KIAA1671: variants seen among roughly 807,000 people sequenced by gnomAD.
The protein encoded by KIAA1671 is KIAA1671.
A neutral mutation model predicts 131.2 loss-of-function variants in KIAA1671; 52 were observed. The observed-to-expected ratio is 0.40, with a 90% CI of 0.32 to 0.50. The LOEUF (loss-of-function observed/expected upper bound fraction) is 0.50. KIAA1671 is among the 20% of genes least tolerant of loss of function. The probability of loss-of-function intolerance (pLI) is 0.73; values close to 1 mark genes in which losing one functional copy is unlikely to be tolerated. For missense variants in KIAA1671, 2,360 were observed against 2,364.2 expected, an observed-to-expected ratio of 1.00 and a Z score of 0.04; for synonymous variants, 1,003 against 961.6, an observed-to-expected ratio of 1.04 and a Z score of -0.80.
chr22:25,049,355 G>A lies in KIAA1671; in HGVS notation c.4521G>A (p.Gly1507=). The A allele has an allele frequency of 6.5e-7, 1 of 1,549,812 alleles. No individual in the cohort carries two copies. The highest frequency in any genetic ancestry group is 1.2e-5 in the South Asian group (1 of 84,034). The part of the protein sequence containing the change: ...SHSFCKDRRS[G]PFVDQLKQCF... ...GCTTCTGCAAAGACAGGAGGAGTGG[G>A]CCCTTTGTGGTGAGTGATGCAACAT... Residue 1507 remains glycine, a synonymous_variant, in exon 6 of 13, where the codon GGG becomes GGA. Transcript: ENST00000358431.
At chr22:25,073,367 C>T (rs1207807120) in intron 6 of KIAA1671, among the ~76,000 whole-genome samples, 1 of 151,992 alleles carries the variant, frequency 6.6e-6, no homozygotes, top group Admixed American at 6.6e-5. Context: ...CATACCCAGC[C>T]TGCAAATTTT....
At chr22:25,107,412 G>A (rs903452261) in intron 6 of KIAA1671, among the ~76,000 whole-genome samples, 1 of 138,828 alleles carries the variant, frequency 7.2e-6, no homozygotes, top group South Asian at 2.3e-4. Context: ...GTGAGACTTC[G>A]TCTCAAAAAA....
chr22:25,188,168 G>A (rs905652901), intron 11 of KIAA1671, among the ~76,000 whole-genome samples: 18 of 152,158 alleles, frequency 1.2e-4, no homozygotes, highest in African/African-American at 4.3e-4. Context: ...GGATGTGGTG[G>A]CGGGCGCCTG....
At chr22:25,007,142 A>G (rs1924788228) in intron 1 of KIAA1671, among the ~76,000 whole-genome samples, 1 of 152,172 alleles carries the variant, frequency 6.6e-6, no homozygotes. Context: ...AAAACTTGCC[A>G]GAACACCTGC....
chr22:25,013,136 G>A (rs1167969540), intron 1 of KIAA1671: 1 of 152,282 alleles, frequency 6.6e-6, no homozygotes, highest in South Asian at 2.1e-4. Flanking sequence ...CAAGTCAATT[G>A]CCCTGGAGGG....
intron 6 of KIAA1671, among the ~76,000 whole-genome samples, chr22:25,068,447 T>G (rs1274762938): frequency 6.6e-6 from 1 of 152,002 alleles, no homozygotes; most frequent in East Asian, 1.9e-4. Flanking sequence ...TTTGTTGTTT[T>G]TTTTTTTGAG....
intron 6 of KIAA1671, among the ~76,000 whole-genome samples, chr22:25,093,784 C>CTCTCTG (rs1568951257): frequency 2.4e-4 from 31 of 127,232 alleles, no homozygotes; most frequent in South Asian, 1.9e-3. Context: ...CTCTCTCTCT[C>CTCTCTG]TCTCTCTCTC....
chr22:25,158,087 C>T (rs1933306397), intron 6 of KIAA1671, among the ~76,000 whole-genome samples: 1 of 152,182 alleles, frequency 6.6e-6, no homozygotes, highest in Admixed American at 6.5e-5. Flanking sequence ...TCCCAAAGTC[C>T]TGGGATTACA....
Position 24,995,259 on chromosome 22 carries a change from A to T in KIAA1671, c.-207-30374A>T, listed in dbSNP as rs575629974. On this transcript the variant is annotated intron_variant, in intron 1 of 12. Transcript: ENST00000358431. ...AGTAGAGACAGGGTTTCGCCATGTT[A>T]GCCAGGATGGTCTCGATCTCCTGAC... Among the ~76,000 whole-genome samples the T allele has an allele frequency of 1.2e-4, 18 of 151,724 alleles. No individual in the cohort carries two copies. In the South Asian group the frequency reaches 2.7e-3, roughly 23 times the overall value.
At chr22:25,062,800 C>T (rs930728078) in intron 6 of KIAA1671, 2 of 132,030 alleles carry the variant, frequency 1.5e-5, no homozygotes, top group African/African-American at 6.1e-5. Context: ...GCTGTTCCCC[C>T]CCTCCCAACC....
At chr22:25,018,193 T>G (rs568503139) in intron 1 of KIAA1671, among the ~76,000 whole-genome samples, 1 of 152,202 alleles carries the variant, frequency 6.6e-6, no homozygotes, top group African/African-American at 2.4e-5. Flanking sequence ...CCTCCTCCCC[T>G]ACTAGAGTGT....
chr22:24,969,026 A>C (rs993918457), intron 1 of KIAA1671, among the ~76,000 whole-genome samples: 4 of 152,078 alleles, frequency 2.6e-5, no homozygotes, highest in African/African-American at 9.7e-5. Context: ...CAACCTCCTG[A>C]GTAGCTGGGA....
intron 1 of KIAA1671, among the ~76,000 whole-genome samples, chr22:24,994,979 A>C (rs1924034585): frequency 6.7e-6 from 1 of 149,876 alleles, no homozygotes; most frequent in South Asian, 2.1e-4. Flanking sequence ...ACGTTCCTGC[A>C]TTTGTGCAGA....
rs138562951 is a variant in KIAA1671 at position 25,099,931 on chromosome 22, C to T, written c.4530+50567C>T. Reference sequence around the variant, plus strand: ...TGTGTGCTCTTGGCTTGCACTGATACCTGGGAGGTAGGTGTCATGATTTCC... The same window carrying T: ...TGTGTGCTCTTGGCTTGCACTGATATCTGGGAGGTAGGTGTCATGATTTCC... On this transcript the variant is annotated intron_variant, in intron 6 of 12. Transcript: ENST00000358431. Among the ~76,000 whole-genome samples the T allele has an allele frequency of 1.3e-3, 194 of 152,272 alleles. 1 individual carries two copies. The highest frequency in any genetic ancestry group is 2.1e-3 in the Non-Finnish European group (144 of 68,026).
In KIAA1671 at chr22:25,093,830, CTCTGTCTG is replaced by C. The variant is rs1568951558; in HGVS notation, c.4530+44470_4530+44477del. On this transcript the variant is annotated intron_variant, in intron 6 of 12. Coordinates refer to ENST00000358431, the MANE Select transcript of KIAA1671 (RefSeq NM_001145206.2). ...TCTCTCTGTCTCTCTCTCTTTCTCT[CTCTGTCTG>C]TCTCTCTCTCTCTCTCTCTCTCTCT... Among the ~76,000 whole-genome samples, 160 of 80,332 alleles carry C rather than the reference CTCTGTCTG, an allele frequency of 2.0e-3. 19 individuals carry two copies. The highest frequency in any genetic ancestry group is 4.8e-3 in the African/African-American group (80 of 16,576). 52.7% of individuals were successfully genotyped at this position (80,332 alleles called of 152,430 possible).
intron 6 of KIAA1671, among the ~76,000 whole-genome samples, chr22:25,091,849 C>T (rs1039088683): frequency 2.0e-5 from 3 of 152,174 alleles, no homozygotes; most frequent in Non-Finnish European, 4.4e-5. Context: ...CTCCTAGGCT[C>T]TGGTTCATCA....
chr22:25,197,322 T>C lies in KIAA1671; in HGVS notation c.*4921T>C, dbSNP rs1038649764. ...TTTGTAACTGTAAAGAAGTTTCATA[T>C]GCACAGAAGAGCAGTTGGAAATCTG... On this transcript the variant is annotated 3_prime_UTR_variant, in exon 13 of 13. Transcript: ENST00000358431. The C allele has an allele frequency of 6.6e-6, 1 of 152,246 alleles. No individual in the cohort carries two copies. The allele number at this position is 152,246 out of a possible 1,614,324, so 9.4% of individuals were successfully genotyped here.
At chr22:25,161,496 CGCG>C (rs879274282) in intron 6 of KIAA1671, among the ~76,000 whole-genome samples, 6 of 152,182 alleles carry the variant, frequency 3.9e-5, no homozygotes, top group Non-Finnish European at 8.8e-5. Flanking sequence ...GTGTGAGGAT[CGCG>C]TGGCCAAATC....
intron 6 of KIAA1671, among the ~76,000 whole-genome samples, chr22:25,157,634 A>G (rs1326438408): frequency 2.6e-5 from 4 of 152,118 alleles, no homozygotes; most frequent in African/African-American, 7.2e-5. Context: ...AAATTTGTCT[A>G]TCTCCATGCA....
Sources: gnomAD v4.1 joint callset for allele counts (sites outside exome capture counted in the v4.1 genomes callset) on GRCh38, gnomAD v4.1.1 for gene constraint, MANE v1.5 for transcripts, NCBI Gene and HGNC (gene_info 2026-07-23, HGNC 2026-07-21) for gene names.